The following VWA8 variants were observed in gnomAD, a reference collection of about 807,000 sequenced individuals.
VWA8 encodes von Willebrand factor A domain containing 8.
A neutral mutation model predicts 241.5 loss-of-function variants in VWA8; 221 were observed. The observed-to-expected ratio is 0.91, with a 90% CI of 0.82 to 1.02. The LOEUF (loss-of-function observed/expected upper bound fraction) is 1.02, where lower values mean the gene tolerates loss of function less well. Among genes scored for constraint, VWA8 ranks in the 50% least tolerant of loss-of-function variants. The pLI is 0.00. For synonymous variants in VWA8, 852 were observed against 827.1 expected (o/e 1.03, Z -0.52); for missense variants, 2,322 against 2,328.7 (o/e 1.00, Z 0.06).
At chr13:41,576,707 T>G (rs1181266390) in intron 42 of VWA8, among the ~76,000 whole-genome samples, 1 of 152,238 alleles carries the variant, frequency 6.6e-6, no homozygotes, top group Non-Finnish European at 1.5e-5. Flanking sequence ...TACATCAGGC[T>G]ACCAACTGTT....
chr13:41,653,049 G>T (rs1348806017), intron 37 of VWA8, among the ~76,000 whole-genome samples: 2 of 152,150 alleles, frequency 1.3e-5, no homozygotes, highest in African/African-American at 4.8e-5. Context: ...TAACAAGATA[G>T]ATAGATGTCA....
intron 35 of VWA8, among the ~76,000 whole-genome samples, chr13:41,683,595 C>T (rs1027311711): frequency 3.3e-5 from 5 of 152,058 alleles, no homozygotes; most frequent in African/African-American, 9.7e-5. Flanking sequence ...GTATATAAAC[C>T]GAGCTTAAGA....
chr13:41,775,660 C>T (rs1022070627), intron 20 of VWA8, among the ~76,000 whole-genome samples: 1 of 152,138 alleles, frequency 6.6e-6, no homozygotes, highest in African/African-American at 2.4e-5. Context: ...CCCTCCACCC[C>T]GCTGCCTAGC....
intron 21 of VWA8, among the ~76,000 whole-genome samples, chr13:41,734,352 G>A (rs1423977452): frequency 2.6e-5 from 4 of 151,998 alleles, no homozygotes; most frequent in Admixed American, 2.6e-4. Context: ...AAAACAAATG[G>A]TGCATTCTAA....
chr13:41,692,792 C>T (rs549731381), intron 30 of VWA8, 70 bp downstream of exon 30: 125 of 1,232,838 alleles, frequency 1.0e-4, no homozygotes, highest in Middle Eastern at 5.7e-4. Context: ...GATGGGCATG[C>T]ATGCATCTTT....
At chr13:41,739,848 G>GTTTTTT (rs1179107917) in intron 21 of VWA8, among the ~76,000 whole-genome samples, 7 of 50,912 alleles carry the variant, frequency 1.4e-4, no homozygotes, top group Admixed American at 1.9e-4. Context: ...TGTTTTTTTT[G>GTTTTTT]TTTTTTTTGT....
At chr13:41,881,446 AGTCTCCCAT>A (rs1472000860) in intron 9 of VWA8, among the ~76,000 whole-genome samples, 38 of 139,994 alleles carry the variant, frequency 2.7e-4, no homozygotes, top group Non-Finnish European at 5.4e-4. Flanking sequence ...CAAAATGAAA[AGTCTCCCAT>A]GTCTACCTCT....
At chr13:41,806,207 A>C (rs905670057) in intron 17 of VWA8, among the ~76,000 whole-genome samples, 1 of 152,070 alleles carries the variant, frequency 6.6e-6, no homozygotes, top group Non-Finnish European at 1.5e-5. Context: ...AAACACACCA[A>C]TCCTATAGGA....
At chr13:41,836,769 T>C (rs1217981067) in intron 12 of VWA8, among the ~76,000 whole-genome samples, 1 of 152,208 alleles carries the variant, frequency 6.6e-6, no homozygotes, top group Non-Finnish European at 1.5e-5. Context: ...GAGACTCGCT[T>C]ACATTTGCTA....
At chr13:41,943,173 G>A (rs889544060) in intron 2 of VWA8, among the ~76,000 whole-genome samples, 5 of 152,136 alleles carry the variant, frequency 3.3e-5, no homozygotes, top group Non-Finnish European at 7.4e-5. Flanking sequence ...GTCAAAAGCT[G>A]TTTCCTTGAA....
intron 23 of VWA8, among the ~76,000 whole-genome samples, chr13:41,728,220 A>G (rs982230080): frequency 2.6e-5 from 4 of 152,112 alleles, no homozygotes; most frequent in Non-Finnish European, 5.9e-5. Flanking sequence ...TACAACCAAT[A>G]GTTTTAACTG....
At chr13:41,826,410 C>A (rs1871170097) in intron 14 of VWA8, among the ~76,000 whole-genome samples, 1 of 151,994 alleles carries the variant, frequency 6.6e-6, no homozygotes, top group Non-Finnish European at 1.5e-5. Flanking sequence ...GAAGTTCAGC[C>A]CAGGAGGCTC....
At chr13:41,603,598 T>C (rs1456337945) in intron 40 of VWA8, among the ~76,000 whole-genome samples, 2 of 152,138 alleles carry the variant, frequency 1.3e-5, no homozygotes, top group African/African-American at 4.8e-5. Flanking sequence ...GCCCACAGGG[T>C]AGGACTCAAT....
At chr13:41,842,737 A>T (rs1358027538) in intron 12 of VWA8, among the ~76,000 whole-genome samples, 1 of 152,238 alleles carries the variant, frequency 6.6e-6, no homozygotes, top group Admixed American at 6.5e-5. Context: ...TACACAACCA[A>T]ATACCCTCAT....
intron 21 of VWA8, among the ~76,000 whole-genome samples, chr13:41,742,874 C>T (rs571811748): frequency 6.6e-6 from 1 of 152,236 alleles, no homozygotes; most frequent in East Asian, 1.9e-4. Flanking sequence ...TCTTTTGCAC[C>T]CCACTTTATG....
rs140637340 is a variant in VWA8, at chr13:41,951,835, C to T, written c.164-1822G>A. Among the ~76,000 whole-genome samples, 906 of 152,220 alleles carry T rather than the reference C, an allele frequency of 6.0e-3. 15 individuals are homozygous for T. Among genetic ancestry groups the T allele is most frequent in the African/African-American group, 0.02 (850 of 41,512 alleles). On this transcript the variant is annotated intron_variant, in intron 1 of 44. Transcript: ENST00000379310. ...ATAATCCTATGAGACAGAAATTTTACAAATGAGAAAATTTGTAAATCCATA... is the reference window on the plus strand; with the variant it reads ...ATAATCCTATGAGACAGAAATTTTATAAATGAGAAAATTTGTAAATCCATA...
chr13:41,759,524 TCTC>T (rs1450760343), intron 21 of VWA8, among the ~76,000 whole-genome samples: 1 of 151,728 alleles, frequency 6.6e-6, no homozygotes, highest in Non-Finnish European at 1.5e-5. Context: ...CCCATTTTTT[TCTC>T]CTCTCTTTTG....
chr13:41,655,281 G>T (rs1338531153), intron 37 of VWA8, among the ~76,000 whole-genome samples: 1 of 151,948 alleles, frequency 6.6e-6, no homozygotes, highest in African/African-American at 2.4e-5. Flanking sequence ...GAGAGATGGG[G>T]TTTCGCCATG....
intron 17 of VWA8, among the ~76,000 whole-genome samples, chr13:41,805,882 G>A (rs1007990733): frequency 4.0e-5 from 6 of 151,812 alleles, no homozygotes; most frequent in East Asian, 1.9e-4. Flanking sequence ...CTGACCTGCC[G>A]GTATTTACAG....
Sources: allele counts gnomAD v4.1 joint callset (sites outside exome capture counted in the v4.1 genomes callset), GRCh38; gene constraint gnomAD v4.1.1; transcripts MANE v1.5; gene names NCBI Gene and HGNC (gene_info 2026-07-23, HGNC 2026-07-21).